GRIN2B: variants seen among roughly 807,000 people sequenced by gnomAD.
The protein encoded by GRIN2B is glutamate receptor ionotropic, NMDA 2B.
Under a neutral mutation model 114.5 loss-of-function variants are expected in GRIN2B, and 5 were observed. That is an observed-to-expected ratio of 0.04 (90% CI 0.02 to 0.09). The LOEUF is 0.09. Ranked by LOEUF, GRIN2B falls within the 10% of genes least tolerant of loss-of-function variation. The pLI is 1.00. For missense variants in GRIN2B, 1,108 were observed against 1,943.5 expected, an observed-to-expected ratio of 0.57 and a Z score of 8.08; for synonymous variants, 787 against 745.1, an observed-to-expected ratio of 1.06 and a Z score of -0.92.
chr12:13,623,826 G>A (rs1949542242), intron 5 of GRIN2B, among the ~76,000 whole-genome samples: 1 of 152,084 alleles, frequency 6.6e-6, no homozygotes, highest in Admixed American at 6.5e-5. Context: ...TGGAGGGTTG[G>A]TTTCCTACCT....
chr12:13,587,247 ACCCT>A (rs1313713589), intron 10 of GRIN2B, among the ~76,000 whole-genome samples: 39 of 151,828 alleles, frequency 2.6e-4, no homozygotes, highest in African/African-American at 9.4e-4. Flanking sequence ...TTCCCTGGAA[ACCCT>A]TGTCTTTAAC....
intron 3 of GRIN2B, among the ~76,000 whole-genome samples, chr12:13,758,004 C>T (rs1290098864): frequency 6.6e-6 from 1 of 152,154 alleles, no homozygotes; most frequent in Non-Finnish European, 1.5e-5. Context: ...ATAGGGCTTC[C>T]ACTCAACACC....
intron 10 of GRIN2B, among the ~76,000 whole-genome samples, chr12:13,595,742 C>T (rs1341986889): frequency 1.3e-5 from 2 of 152,258 alleles, no homozygotes; most frequent in Non-Finnish European, 2.9e-5. Flanking sequence ...TTCTTCAGCA[C>T]TTGAATACAA....
At chr12:13,816,238 A>G in intron 3 of GRIN2B, among the ~76,000 whole-genome samples, 1 of 152,180 alleles carries the variant, frequency 6.6e-6, no homozygotes, top group East Asian at 1.9e-4. Flanking sequence ...AAATAGGTAC[A>G]AGGACCTATC....
chr12:13,973,933 G>T (rs1472442910), intron 2 of GRIN2B, among the ~76,000 whole-genome samples: 2 of 152,124 alleles, frequency 1.3e-5, no homozygotes, highest in Admixed American at 6.5e-5. Context: ...GTGACTGAAG[G>T]TGTCTCCCCA....
chr12:13,713,209 C>A (rs1438825656), intron 4 of GRIN2B, among the ~76,000 whole-genome samples: 2 of 151,896 alleles, frequency 1.3e-5, no homozygotes, highest in Admixed American at 6.6e-5. Context: ...AAGTTAACAA[C>A]ATGACTTTTT....
At chr12:13,782,029 G>C (rs1864124708) in intron 3 of GRIN2B, among the ~76,000 whole-genome samples, 1 of 152,124 alleles carries the variant, frequency 6.6e-6, no homozygotes, top group Non-Finnish European at 1.5e-5. Context: ...GTGATTACTA[G>C]AGACAAACCT....
intron 3 of GRIN2B, among the ~76,000 whole-genome samples, chr12:13,826,540 C>T (rs1361563045): frequency 1.3e-5 from 2 of 152,110 alleles, no homozygotes; most frequent in African/African-American, 2.4e-5. Flanking sequence ...AATTTCACCC[C>T]TCCCCTCATT....
chr12:13,569,344 T>C (rs972700666), intron 12 of GRIN2B, among the ~76,000 whole-genome samples: 1 of 152,132 alleles, frequency 6.6e-6, no homozygotes. Flanking sequence ...CAGAGTATGG[T>C]GAACCCCTAA....
intron 3 of GRIN2B, among the ~76,000 whole-genome samples, chr12:13,861,732 C>A (rs745464136): frequency 2.0e-5 from 3 of 152,130 alleles, no homozygotes; most frequent in Non-Finnish European, 4.4e-5. Context: ...AGCCTTCCCC[C>A]AGATTTTCAC....
At chr12:13,938,781 A>G (rs1867177154) in intron 2 of GRIN2B, among the ~76,000 whole-genome samples, 1 of 152,182 alleles carries the variant, frequency 6.6e-6, no homozygotes, top group Non-Finnish European at 1.5e-5. Flanking sequence ...TCGATGATGG[A>G]AATGTTCTAC....
intron 3 of GRIN2B, among the ~76,000 whole-genome samples, chr12:13,764,591 C>A (rs376626916): frequency 2.0e-5 from 3 of 152,084 alleles, no homozygotes; most frequent in African/African-American, 4.8e-5. Flanking sequence ...AAGGTGCCAA[C>A]GTTGATGGAA....
chr12:13,557,615 A>ATGAT lies in GRIN2B; in HGVS notation c.*5164_*5167dup, dbSNP rs1948491241. Reference sequence around the variant, plus strand: ...AGAAATTCATAAATTATACACTCATATGATTGTGTATTGAAAATAATTCCT... The same window carrying ATGAT: ...AGAAATTCATAAATTATACACTCATATGATTGATTGTGTATTGAAAATAATTCCT... On this transcript the variant is annotated 3_prime_UTR_variant, in exon 14 of 14. Transcript: ENST00000609686. 1.3e-5 allele frequency: 2 copies of ATGAT among 152,214 alleles called. No homozygotes were observed. The highest frequency in any genetic ancestry group is 4.1e-4 in the South Asian group (2 of 4,828). 9.4% of individuals were successfully genotyped at this position (152,214 alleles called of 1,614,324 possible).
intron 5 of GRIN2B, among the ~76,000 whole-genome samples, chr12:13,631,753 G>T (rs1216917312): frequency 2.6e-5 from 4 of 152,198 alleles, no homozygotes. Context: ...GCCTCCTAAA[G>T]GAACCTCCAC....
intron 4 of GRIN2B, among the ~76,000 whole-genome samples, chr12:13,707,888 C>T (rs1378111342): frequency 2.0e-5 from 3 of 152,080 alleles, no homozygotes; most frequent in African/African-American, 7.2e-5. Context: ...GTTTACTGGG[C>T]AATCATGGTG....
intron 4 of GRIN2B, among the ~76,000 whole-genome samples, chr12:13,743,161 A>G (rs1356385607): frequency 6.6e-6 from 1 of 152,166 alleles, no homozygotes; most frequent in Non-Finnish European, 1.5e-5. Context: ...TATGTGTAAA[A>G]TTAGAGTAAA....
chr12:13,952,161 T>G (rs1436604473), intron 2 of GRIN2B, among the ~76,000 whole-genome samples: 1 of 152,106 alleles, frequency 6.6e-6, no homozygotes, highest in Admixed American at 6.5e-5. Flanking sequence ...TGTCTATATG[T>G]GCATGTCAGG....
intron 3 of GRIN2B, among the ~76,000 whole-genome samples, chr12:13,768,577 C>T (rs1863844098): frequency 1.3e-5 from 2 of 152,170 alleles, no homozygotes; most frequent in South Asian, 4.1e-4. Context: ...TGAGGAAGAC[C>T]CAGTAGGGAG....
intron 5 of GRIN2B, among the ~76,000 whole-genome samples, chr12:13,640,202 G>A (rs114098226): frequency 0.064 from 9,812 of 152,162 alleles, 411 homozygotes; most frequent in East Asian, 0.16. Context: ...AGTGAGCTAT[G>A]ATCATGCCAC....
Sources: gnomAD v4.1 joint callset for allele counts (sites outside exome capture counted in the v4.1 genomes callset) on GRCh38, gnomAD v4.1.1 for gene constraint, MANE v1.5 for transcripts, NCBI Gene and HGNC (gene_info 2026-07-23, HGNC 2026-07-21) for gene names.